The following RORA variants were observed in gnomAD, a reference collection of about 807,000 sequenced individuals.
RORA encodes the protein RAR related orphan receptor A, also known as nuclear receptor ROR-alpha.
In RORA, 7 loss-of-function variants were observed where a neutral mutation model predicts 69.5. That is an observed-to-expected ratio of 0.10 (90% CI 0.06 to 0.19). The LOEUF is 0.19. Among genes scored for constraint, RORA ranks in the 10% least tolerant of loss-of-function variants. The pLI is 1.00. For synonymous variants in RORA, 261 were observed against 240.8 expected, an observed-to-expected ratio of 1.08 and a Z score of -0.78; for missense variants, 457 against 663.0, an observed-to-expected ratio of 0.69 and a Z score of 3.41.
intron 1 of RORA, among the ~76,000 whole-genome samples, chr15:60,810,252 A>G (rs948425097): frequency 6.6e-6 from 1 of 152,202 alleles, no homozygotes; most frequent in African/African-American, 2.4e-5. Flanking sequence ...TCTACACTGG[A>G]AACAATTTTC....
intron 2 of RORA, among the ~76,000 whole-genome samples, chr15:60,634,691 C>T (rs928882549): frequency 5.9e-5 from 9 of 152,188 alleles, no homozygotes; most frequent in Non-Finnish European, 1.0e-4. Flanking sequence ...GCTTGAGCCA[C>T]CGCACCTGGC....
chr15:61,178,546 T>C (rs2140901431), intron 1 of RORA, among the ~76,000 whole-genome samples: 1 of 152,260 alleles, frequency 6.6e-6, no homozygotes, highest in East Asian at 1.9e-4. Context: ...TGGAAAATAC[T>C]GGTAGTGCTG....
intron 1 of RORA, among the ~76,000 whole-genome samples, chr15:60,688,231 AAGCAT>A (rs2070774761): frequency 1.3e-5 from 2 of 152,232 alleles, no homozygotes; most frequent in East Asian, 3.9e-4. Flanking sequence ...CAAAGTCCCA[AAGCAT>A]AGTATATCAT....
chr15:60,661,455 T>C (rs1404103006), intron 2 of RORA, among the ~76,000 whole-genome samples: 1 of 152,192 alleles, frequency 6.6e-6, no homozygotes, highest in Non-Finnish European at 1.5e-5. Flanking sequence ...CAAGCTGCCA[T>C]TGATGTCTAT....
At chr15:61,196,136 T>C (rs2079843555) in intron 1 of RORA, among the ~76,000 whole-genome samples, 2 of 152,220 alleles carry the variant, frequency 1.3e-5, no homozygotes, top group Admixed American at 6.5e-5. Flanking sequence ...ACAATTCAAA[T>C]CCAGATCTGA....
At chr15:61,229,028 C>A in intron 1 of RORA, 25 bp downstream of exon 1, 1 of 1,442,250 alleles carries the variant, frequency 6.9e-7, no homozygotes, top group Non-Finnish European at 9.2e-7. Context: ...GCCGCCCCCT[C>A]CCCAGCCCCT....
chr15:60,764,056 A>T (rs1434909368), intron 1 of RORA: 1 of 152,168 alleles, frequency 6.6e-6, no homozygotes, highest in African/African-American at 2.4e-5. Context: ...CAATAAAAGA[A>T]CCCGTTTTGT....
At chr15:61,054,880 A>G (rs566851915) in intron 1 of RORA, among the ~76,000 whole-genome samples, 1 of 145,296 alleles carries the variant, frequency 6.9e-6, no homozygotes, top group African/African-American at 2.6e-5. Context: ...TCTGTTGCCC[A>G]GGCTGGAGTG....
At chr15:60,504,134 G>A (rs1234651106) in intron 6 of RORA, among the ~76,000 whole-genome samples, 2 of 152,146 alleles carry the variant, frequency 1.3e-5, no homozygotes, top group Admixed American at 6.5e-5. Context: ...TTTGCCTTGG[G>A]AAATTTAACA....
At chr15:61,200,421 T>C (rs2079884907) in intron 1 of RORA, among the ~76,000 whole-genome samples, 1 of 152,086 alleles carries the variant, frequency 6.6e-6, no homozygotes, top group African/African-American at 2.4e-5. Context: ...TTCTGGAACA[T>C]AGAGTCACCG....
intron 1 of RORA, among the ~76,000 whole-genome samples, chr15:60,798,438 G>C (rs996479576): frequency 1.8e-4 from 28 of 152,084 alleles, no homozygotes; most frequent in African/African-American, 6.5e-4. Context: ...ACTCTACTTA[G>C]AATCCATGGA....
At chr15:61,081,495 A>G (rs1347285198) in intron 1 of RORA, among the ~76,000 whole-genome samples, 2 of 152,108 alleles carry the variant, frequency 1.3e-5, no homozygotes, top group Non-Finnish European at 2.9e-5. Context: ...TTTCTCTACT[A>G]TCTTTATGCT....
rs115063437 is a variant in RORA, at chr15:60,906,729, T to C, written c.167-228043A>G. On this transcript the variant is annotated intron_variant, in intron 1 of 10. Transcript: ENST00000335670. ...GCTATGCAGAAATCTTACTGATAGC[T>C]TGGGATGGATACTACGGCCACGGTG... 1.5e-3 allele frequency among the ~76,000 whole-genome samples: 224 copies of C among 152,288 alleles called. 2 individuals carry two copies. The highest frequency in any genetic ancestry group is 5.1e-3 in the African/African-American group (212 of 41,552).
intron 1 of RORA, among the ~76,000 whole-genome samples, chr15:60,763,043 G>A (rs1021350267): frequency 7.0e-5 from 8 of 113,744 alleles, no homozygotes; most frequent in Non-Finnish European, 1.4e-4. Flanking sequence ...ACAAATAAAA[G>A]TACTGTTTCC....
rs142528801 is a variant in RORA, at chr15:61,067,350, C to T, written c.166+161703G>A. Among the ~76,000 whole-genome samples, 517 of 152,060 alleles carry T rather than the reference C, an allele frequency of 3.4e-3. 4 individuals are homozygous for T. Among genetic ancestry groups the T allele is most frequent in the African/African-American group, 0.012 (505 of 41,498 alleles). ...TTGACTCCTGACCTTGTGATCCGCC[C>T]GCCTCGGCCTCCCAAAGTGCTGGGA... On this transcript the variant is annotated intron_variant, in intron 1 of 10. Coordinates refer to ENST00000335670, the MANE Select transcript of RORA (RefSeq NM_134261.3).
chr15:61,031,392 T>C (rs1300451784), intron 1 of RORA, among the ~76,000 whole-genome samples: 2 of 152,200 alleles, frequency 1.3e-5, no homozygotes, highest in African/African-American at 2.4e-5. Flanking sequence ...TTTTCTATTA[T>C]ATACCAAGTG....
chr15:60,769,338 ATTC>A (rs2072037982), intron 1 of RORA, among the ~76,000 whole-genome samples: 2 of 152,178 alleles, frequency 1.3e-5, no homozygotes, highest in Non-Finnish European at 2.9e-5. Flanking sequence ...TCTCGTCTTT[ATTC>A]ACCAGGGTTA....
intron 1 of RORA, among the ~76,000 whole-genome samples, chr15:61,186,012 C>A (rs2079738011): frequency 6.6e-6 from 1 of 152,210 alleles, no homozygotes; most frequent in African/African-American, 2.4e-5. Context: ...GAAAACACAT[C>A]TGATTATTCA....
At chr15:61,075,078 C>T (rs998085699) in intron 1 of RORA, among the ~76,000 whole-genome samples, 5 of 148,620 alleles carry the variant, frequency 3.4e-5, no homozygotes, top group African/African-American at 1.2e-4. Flanking sequence ...CAGAGTGAGA[C>T]TCTATCTCAA....
Sources: gnomAD v4.1 joint callset for allele counts (sites outside exome capture counted in the v4.1 genomes callset) on GRCh38, gnomAD v4.1.1 for gene constraint, MANE v1.5 for transcripts, NCBI Gene and HGNC (gene_info 2026-07-23, HGNC 2026-07-21) for gene names.